The following MLIP variants were observed in gnomAD, a reference collection of about 807,000 sequenced individuals.
MLIP encodes the protein muscular LMNA interacting protein, also known as muscular LMNA-interacting protein.
A neutral mutation model predicts 84.8 loss-of-function variants in MLIP; 79 were observed. The observed-to-expected ratio is 0.93, with a 90% CI of 0.78 to 1.12. The LOEUF is 1.12. Among genes scored for constraint, MLIP ranks in the 50% most tolerant of loss-of-function variants. MLIP has a pLI of 0.00. For synonymous variants in MLIP, 504 were observed against 463.0 expected, an observed-to-expected ratio of 1.09 and a Z score of -1.14; for missense variants, 1,257 against 1,160.6, an observed-to-expected ratio of 1.08 and a Z score of -1.21.
chr6:54,118,043 A>T (rs761987740), intron 1 of MLIP, among the ~76,000 whole-genome samples: 14 of 152,234 alleles, frequency 9.2e-5, no homozygotes, highest in Non-Finnish European at 2.1e-4. Flanking sequence ...AAATGGAAAG[A>T]TATACTGTGT....
intron 3 of MLIP, among the ~76,000 whole-genome samples, chr6:54,126,172 A>C (rs1261361282): frequency 1.3e-5 from 2 of 152,072 alleles, no homozygotes; most frequent in African/African-American, 4.8e-5. Context: ...GGAGATGTAG[A>C]AATGTGGAAA....
rs979822210 is a variant in MLIP at position 54,065,381 on chromosome 6, C to T, written c.63+46290C>T. On this transcript the variant is annotated intron_variant, in intron 1 of 12. Coordinates refer to the MLIP transcript ENST00000274897. ...ATCAAGGAAGGACAGAGCTCTCATT[C>T]TTTCAAAAAGGATTTAGAGGCATAT... Among the ~76,000 whole-genome samples, 7 of 100,268 alleles carry T rather than the reference C, an allele frequency of 7.0e-5. 1 individual carries two copies. The highest frequency in any genetic ancestry group is 1.5e-4 in the African/African-American group (6 of 39,120). The allele number at this position is 100,268 out of a possible 152,430, so 65.8% of individuals were successfully genotyped here. A position where few individuals can be genotyped will look rare whatever the true frequency, so the allele number is the denominator to read the frequency against.
chr6:54,102,050 T>C (rs1312050661), intron 1 of MLIP, among the ~76,000 whole-genome samples: 1 of 152,112 alleles, frequency 6.6e-6, no homozygotes, highest in Non-Finnish European at 1.5e-5. Context: ...GCCCTTCTTA[T>C]CACCTTCCTA....
chr6:54,263,667 G>A (rs1783524970), intron 13 of MLIP, among the ~76,000 whole-genome samples: 1 of 151,778 alleles, frequency 6.6e-6, no homozygotes, highest in Admixed American at 6.6e-5. Flanking sequence ...TGTAACATTG[G>A]CTTAATGTTT....
chr6:54,264,157 G>C (rs1311539129), intron 13 of MLIP, among the ~76,000 whole-genome samples: 2 of 151,960 alleles, frequency 1.3e-5, no homozygotes, highest in Admixed American at 6.6e-5. Flanking sequence ...TGGCATCAGA[G>C]GATGATCTGC....
intron 3 of MLIP, among the ~76,000 whole-genome samples, chr6:54,135,670 T>C (rs1196058762): frequency 6.6e-6 from 1 of 152,152 alleles, no homozygotes; most frequent in Non-Finnish European, 1.5e-5. Context: ...ATGATTGATA[T>C]TCCCTAAATT....
chr6:54,111,748 A>C (rs1711597367), intron 1 of MLIP, among the ~76,000 whole-genome samples, 173 bp downstream of exon 1: 8 of 152,200 alleles, frequency 5.3e-5, no homozygotes, highest in Admixed American at 5.2e-4. Flanking sequence ...GATAAAGACA[A>C]AACTGCTCAT....
At chr6:54,213,612 G>T (rs532490093) in intron 11 of MLIP, among the ~76,000 whole-genome samples, 1 of 146,338 alleles carries the variant, frequency 6.8e-6, no homozygotes, top group East Asian at 2.1e-4. Context: ...TGAGGCAGGA[G>T]AATTGCTTGA....
At chr6:54,240,238 A>T (rs1251046285) in intron 12 of MLIP, among the ~76,000 whole-genome samples, 1 of 152,210 alleles carries the variant, frequency 6.6e-6, no homozygotes, top group Non-Finnish European at 1.5e-5. Context: ...AGCTTTATAC[A>T]TTTTTTAGCA....
At chr6:54,088,439 C>T (rs2150367408) in intron 1 of MLIP, among the ~76,000 whole-genome samples, 1 of 152,142 alleles carries the variant, frequency 6.6e-6, no homozygotes, top group South Asian at 2.1e-4. Flanking sequence ...TGTGGCCGGC[C>T]ACAAAGACTG....
At chr6:54,233,026 T>C (rs1781112404) in intron 12 of MLIP, among the ~76,000 whole-genome samples, 1 of 152,210 alleles carries the variant, frequency 6.6e-6, no homozygotes, top group African/African-American at 2.4e-5. Flanking sequence ...CCCTTACTTT[T>C]TTACTTTCAA....
chr6:54,089,544 A>G (rs191975221), intron 1 of MLIP, among the ~76,000 whole-genome samples: 10 of 152,290 alleles, frequency 6.6e-5, no homozygotes, highest in African/African-American at 2.2e-4. Flanking sequence ...TGGATGGCTT[A>G]TATGACATAG....
At chr6:54,138,425 G>A (rs937505873) in intron 4 of MLIP, 139 bp downstream of exon 4, 5 of 902,186 alleles carry the variant, frequency 5.5e-6, no homozygotes, top group Non-Finnish European at 8.1e-6. Flanking sequence ...GACGGTACCA[G>A]GACTTGGTAT....
At chr6:54,215,426 T>A (rs1005624046) in intron 11 of MLIP, 9 of 1,219,154 alleles carry the variant, frequency 7.4e-6, no homozygotes, top group Middle Eastern at 3.0e-4. Context: ...GTGATTTTTT[T>A]AAAAGTATAA....
At chr6:54,097,957 G>T (rs1768333374) in intron 1 of MLIP, among the ~76,000 whole-genome samples, 1 of 152,072 alleles carries the variant, frequency 6.6e-6, no homozygotes, top group African/African-American at 2.4e-5. Context: ...GTCAGCAAGA[G>T]AAACATCAAA....
upstream of MLIP, among the ~76,000 whole-genome samples, chr6:54,109,928 C>T (rs6928080): frequency 7.0e-3 from 504 of 72,396 alleles, 3 homozygotes; most frequent in African/African-American, 0.024. Flanking sequence ...TTTCTTTCTT[C>T]CTTCCTTCCT....
chr6:54,072,860 A>G (rs766646143), intron 1 of MLIP, among the ~76,000 whole-genome samples: 2 of 152,220 alleles, frequency 1.3e-5, no homozygotes, highest in Non-Finnish European at 2.9e-5. Flanking sequence ...TACAAATGCC[A>G]GAGGAACAAA....
At chr6:54,086,384 A>G (rs1366988251) in intron 1 of MLIP, among the ~76,000 whole-genome samples, 1 of 152,022 alleles carries the variant, frequency 6.6e-6, no homozygotes, top group Non-Finnish European at 1.5e-5. Flanking sequence ...CCACCTATTT[A>G]TGTGTGTATG....
intron 12 of MLIP, among the ~76,000 whole-genome samples, chr6:54,240,220 C>T (rs1326020625): frequency 6.6e-6 from 1 of 152,190 alleles, no homozygotes; most frequent in Non-Finnish European, 1.5e-5. Context: ...ATTCCAACTT[C>T]AGTATTCAGC....
Sources: gnomAD v4.1 joint callset for allele counts (sites outside exome capture counted in the v4.1 genomes callset) on GRCh38, gnomAD v4.1.1 for gene constraint, MANE v1.5 for transcripts, NCBI Gene and HGNC (gene_info 2026-07-23, HGNC 2026-07-21) for gene names.